The following RCAN3 variants were observed in gnomAD, a reference collection of about 807,000 sequenced individuals.
The protein encoded by RCAN3 is calcipressin-3.
Under a neutral mutation model 21.9 loss-of-function variants are expected in RCAN3, and 19 were observed. The ratio of observed to expected loss-of-function variants is 0.87; its 90% CI spans 0.61 to 1.27. The LOEUF (loss-of-function observed/expected upper bound fraction) is 1.27, where lower values mean the gene tolerates loss of function less well. Among genes scored for constraint, RCAN3 ranks in the 50% most tolerant of loss-of-function variants. The pLI is 0.00. For missense variants in RCAN3, 240 were observed against 300.1 expected (o/e 0.80, Z 1.48); for synonymous variants, 114 against 112.3 (o/e 1.01, Z -0.09).
rs1008946035 is a variant in RCAN3, at chr1:24,538,389, A to T, written c.*3112A>T. On this transcript the variant is annotated 3_prime_UTR_variant, in exon 5 of 5. Transcript: ENST00000374395. The stretch of plus-strand genomic sequence containing the variant: ...TAAAGGTTTAAATAAAATATTTTTT[A>T]TTTTTTATTTTTATTTATTTATTTA... 2.0e-5 allele frequency: 3 copies of T among 151,642 alleles called. No individual in the cohort carries two copies. The highest frequency in any genetic ancestry group is 4.4e-5 in the Non-Finnish European group (3 of 67,914). 9.4% of individuals were successfully genotyped at this position (151,642 alleles called of 1,614,324 possible). A position where few individuals can be genotyped will look rare whatever the true frequency, so the allele number is the denominator to read the frequency against.
chr1:24,513,723 T>C, intron 1 of RCAN3, among the ~76,000 whole-genome samples: 1 of 152,242 alleles, frequency 6.6e-6, no homozygotes, highest in Middle Eastern at 3.2e-3. Context: ...ATTTTCTGTG[T>C]TAAATTTTGC....
chr1:24,519,682 C>T (rs1557571025), intron 2 of RCAN3, among the ~76,000 whole-genome samples: 1 of 152,212 alleles, frequency 6.6e-6, no homozygotes, highest in Non-Finnish European at 1.5e-5. Context: ...CTGTCCTGCT[C>T]TGTGATGGGT....
rs1194648859 is a variant in RCAN3 at position 24,537,546 on chromosome 1, T to C, written c.*2269T>C. On this transcript the variant is annotated 3_prime_UTR_variant, in exon 5 of 5. Transcript: ENST00000374395. ...TTACAAGAGATAAGTCTCATGGTTT[T>C]TTTTTTCTTTTAATAGGCTTTTCTG... The C allele has an allele frequency of 6.6e-6, 1 of 152,174 alleles. No homozygotes were observed. Among genetic ancestry groups the C allele is most frequent in the East Asian group, 1.9e-4 (1 of 5,204 alleles). 9.4% of individuals were successfully genotyped at this position (152,174 alleles called of 1,614,324 possible).
At chr1:24,533,825 G>C (rs1649994843) in intron 4 of RCAN3, among the ~76,000 whole-genome samples, 1 of 152,008 alleles carries the variant, frequency 6.6e-6, no homozygotes, top group African/African-American at 2.4e-5. Flanking sequence ...AAAAAATTAA[G>C]TATTAAATGA....
chr1:24,535,281 C>T lies in RCAN3; in HGVS notation c.*4C>T. 4.6e-6 allele frequency: 7 copies of T among 1,530,088 alleles called. No homozygotes were observed. The highest frequency in any genetic ancestry group is 6.1e-6 in the Non-Finnish European group (7 of 1,145,960). 94.8% of individuals were successfully genotyped at this position (1,530,088 alleles called of 1,614,324 possible). On this transcript the variant is annotated 3_prime_UTR_variant, in exon 5 of 5. Transcript: ENST00000374395. ...GACCTTTGATTGCGCGCTGTGAGGC[C>T]CTTGGTTGTGGTGCGAGGCGGCTGC...
intron 1 of RCAN3, 69 bp downstream of exon 1, chr1:24,503,219 A>G (rs1426716317): frequency 4.0e-4 from 58 of 143,218 alleles, no homozygotes; most frequent in Middle Eastern, 3.3e-3. Flanking sequence ...AAGTTAAAAA[A>G]AAAAAAAAAA....
chr1:24,533,866 A>G (rs1291587245), intron 4 of RCAN3, among the ~76,000 whole-genome samples: 1 of 152,210 alleles, frequency 6.6e-6, no homozygotes, highest in Non-Finnish European at 1.5e-5. Flanking sequence ...AATGTAACTA[A>G]TTTTTACTAC....
At chr1:24,533,748 C>T (rs950813636) in intron 4 of RCAN3, among the ~76,000 whole-genome samples, 26 of 151,666 alleles carry the variant, frequency 1.7e-4, no homozygotes, top group African/African-American at 5.6e-4. Flanking sequence ...TGCAGTGAGC[C>T]GAGATCGTAC....
At chr1:24,509,108 A>AC (rs1647688475) in intron 1 of RCAN3, among the ~76,000 whole-genome samples, 2 of 152,158 alleles carry the variant, frequency 1.3e-5, no homozygotes, top group African/African-American at 4.8e-5. Context: ...GCTACAGTGA[A>AC]CATGATCACG....
chr1:24,528,196 A>G (rs767758632), intron 2 of RCAN3, among the ~76,000 whole-genome samples: 2 of 151,538 alleles, frequency 1.3e-5, no homozygotes, highest in South Asian at 4.2e-4. Flanking sequence ...AGCATCTTTC[A>G]TGGGAATTTC....
At chr1:24,513,434 G>A (rs1648054471) in intron 1 of RCAN3, among the ~76,000 whole-genome samples, 1 of 152,102 alleles carries the variant, frequency 6.6e-6, no homozygotes, top group Non-Finnish European at 1.5e-5. Flanking sequence ...AGGAGACTGA[G>A]GTGTGCAGAT....
chr1:24,512,003 A>C (rs196402), intron 1 of RCAN3, among the ~76,000 whole-genome samples: 1 of 151,814 alleles, frequency 6.6e-6, no homozygotes, highest in African/African-American at 2.4e-5. Flanking sequence ...TAGGGGGAGC[A>C]TGAGGGGAGG....
At chr1:24,514,649 C>T (rs1395778691) in intron 2 of RCAN3, 82 bp downstream of exon 2, 1 of 1,353,800 alleles carries the variant, frequency 7.4e-7, no homozygotes, top group African/African-American at 1.5e-5. Context: ...TGACTGGTCC[C>T]TGACAAATTA....
rs1570482499 is a variant in RCAN3, at chr1:24,531,264, T to C, written c.242T>C (p.Phe81Ser). The change falls in exon 3 of 5, where the codon TTT (phenylalanine) becomes TCT (serine). Residue 81 changes from phenylalanine (F) to serine (S), a missense_variant. Coordinates refer to ENST00000374395, the MANE Select transcript of RCAN3 (RefSeq NM_013441.4). The stretch of plus-strand genomic sequence containing the variant: ...ACCATCTATGATGACCAGGTTACTT[T>C]TCAGCTGTTTAAAAGCTTTAGAAGA... ...LFTIYDDQVT[F>S]QLFKSFRRVR... 1 of 1,612,860 alleles carries C rather than the reference T, an allele frequency of 6.2e-7. No individual in the cohort carries two copies. Among genetic ancestry groups the C allele is most frequent in the Non-Finnish European group, 8.5e-7 (1 of 1,179,286 alleles).
At chr1:24,504,127 C>A (rs187108874) in intron 1 of RCAN3, among the ~76,000 whole-genome samples, 147 of 152,320 alleles carry the variant, frequency 9.7e-4, no homozygotes, top group African/African-American at 2.8e-3. Context: ...TCTTCTTTAG[C>A]CAGGTCATCA....
At chr1:24,517,084 G>GTTTTTTTT (rs11372088) in intron 2 of RCAN3, among the ~76,000 whole-genome samples, 1 of 146,860 alleles carries the variant, frequency 6.8e-6, no homozygotes, top group African/African-American at 2.5e-5. Flanking sequence ...CTATTTTTTT[G>GTTTTTTTT]TTTTTTTTTG....
At chr1:24,515,611 G>C (rs145378638) in intron 2 of RCAN3, among the ~76,000 whole-genome samples, 7 of 152,032 alleles carry the variant, frequency 4.6e-5, no homozygotes, top group Admixed American at 3.3e-4. Flanking sequence ...GTTTTCAGCC[G>C]ATGTACCCAA....
chr1:24,525,455 G>A lies in RCAN3; in HGVS notation c.196-5763G>A, dbSNP rs1649181622. Among the ~76,000 whole-genome samples, 1 of 152,168 alleles carries A rather than the reference G, an allele frequency of 6.6e-6. No individual in the cohort carries two copies. The highest frequency in any genetic ancestry group is 2.4e-5 in the African/African-American group (1 of 41,454). On this transcript the variant is annotated intron_variant, in intron 2 of 4. Coordinates refer to ENST00000374395, the MANE Select transcript of RCAN3 (RefSeq NM_013441.4). The surrounding 1 kb of genome is among the most constrained non-coding windows in gnomAD (Gnocchi z 4.1). ...TTGGTTTTTAGGCTGCATTGTTTGT[G>A]TTATGCCTGTAGACGTTGTGCTGCC...
At chr1:24,518,894 C>T (rs1170677811) in intron 2 of RCAN3, among the ~76,000 whole-genome samples, 1 of 152,108 alleles carries the variant, frequency 6.6e-6, no homozygotes, top group East Asian at 1.9e-4. Flanking sequence ...CCACCTCAGC[C>T]TCCCAAGTAG....
Sources: gnomAD v4.1 joint callset for allele counts (sites outside exome capture counted in the v4.1 genomes callset) on GRCh38, gnomAD v4.1.1 for gene constraint, Gnocchi (gnomAD v3.1) non-coding constraint, MANE v1.5 for transcripts, NCBI Gene and HGNC (gene_info 2026-07-23, HGNC 2026-07-21) for gene names.